IL2RB: variants seen among roughly 807,000 people sequenced by gnomAD.
The protein encoded by IL2RB is interleukin 2 receptor subunit beta.
IL2RB carries 17 observed loss-of-function variants against 44.2 expected under a neutral mutation model. That is an observed-to-expected ratio of 0.38 (90% CI 0.26 to 0.58). The LOEUF is 0.58. Among genes scored for constraint, IL2RB ranks in the 20% least tolerant of loss-of-function variants. The pLI is 0.63. For missense variants in IL2RB, 624 were observed against 685.5 expected, an observed-to-expected ratio of 0.91 and a Z score of 1.00; for synonymous variants, 286 against 297.9, an observed-to-expected ratio of 0.96 and a Z score of 0.41.
At position 37,161,970 on chromosome 22, in the gene IL2RB, C is replaced by T. The variant is rs1175428717; in HGVS notation, c.-34+12988G>A. On this transcript the variant is annotated intron_variant, in intron 1 of 5. Coordinates refer to the IL2RB transcript ENST00000429622. ...CAAGCTTCTCCAAGCTTCTCCAAGCCTGATTTGCGGGTCCTGCCAGAGATT... is the reference window on the plus strand; with the variant it reads ...CAAGCTTCTCCAAGCTTCTCCAAGCTTGATTTGCGGGTCCTGCCAGAGATT... 9.2e-5 allele frequency: 14 copies of T among 152,318 alleles called. No homozygotes were observed. The East Asian group carries it at 2.7e-3, about 29-fold the overall frequency. The allele number at this position is 152,318 out of a possible 1,614,324, so 9.4% of individuals were successfully genotyped here. A position where few individuals can be genotyped will look rare whatever the true frequency, so the allele number is the denominator to read the frequency against.
chr22:37,139,145 G>A lies in IL2RB; in HGVS notation c.360C>T (p.Ala120=). The change falls in exon 5 of 10, where the codon GCC becomes GCT. Residue 120 remains alanine, a synonymous_variant. Coordinates refer to ENST00000216223, the MANE Select transcript of IL2RB (RefSeq NM_000878.5). ...TCTCAAAGGGCTTGAAGTCCTGGAT[G>A]GCCATCACCCTCCATCGCACCCCCT... is the stretch of plus-strand genomic sequence containing the variant. ...CREGVRWRVM[A]IQDFKPFENL... The A allele has an allele frequency of 6.2e-7, 1 of 1,613,536 alleles. No homozygotes were observed. Among genetic ancestry groups the A allele is most frequent in the Non-Finnish European group, 8.5e-7 (1 of 1,179,494 alleles).
intron 1 of IL2RB, among the ~76,000 whole-genome samples, chr22:37,148,887 T>C (rs187554484): frequency 6.6e-6 from 1 of 151,994 alleles, no homozygotes. Context: ...CGGGAGCCCA[T>C]GGTTCATCCA....
upstream of IL2RB, among the ~76,000 whole-genome samples, chr22:37,152,735 C>T (rs947426046): frequency 1.3e-5 from 2 of 151,980 alleles, no homozygotes; most frequent in African/African-American, 4.8e-5. Context: ...CGTGGGAGCT[C>T]AGCTCAGGGC....
chr22:37,149,810 G>A lies in IL2RB; in HGVS notation c.-34+15C>T. ...CTGGTCCACAGGGGCCGGGAGGGAGGCAGGGGGACATCACCTGGCTGAGAC... is the reference window on the plus strand; with the variant it reads ...CTGGTCCACAGGGGCCGGGAGGGAGACAGGGGGACATCACCTGGCTGAGAC... On this transcript the variant is annotated intron_variant, in intron 1 of 9. Coordinates refer to ENST00000216223, the MANE Select transcript of IL2RB (RefSeq NM_000878.5). The A allele has an allele frequency of 1.0e-6, 1 of 981,304 alleles. No homozygotes were observed. The highest frequency in any genetic ancestry group is 1.2e-6 in the Non-Finnish European group (1 of 826,176). The allele number at this position is 981,304 out of a possible 1,614,324, so 60.8% of individuals were successfully genotyped here.
intron 5 of IL2RB, among the ~76,000 whole-genome samples, chr22:37,138,574 G>A (rs571361326): frequency 2.0e-5 from 3 of 152,202 alleles, no homozygotes; most frequent in African/African-American, 7.2e-5. Flanking sequence ...TGCTGGGTGC[G>A]TGGCAAGGAG....
chr22:37,158,963 C>T (rs1482438981), intron 1 of IL2RB, among the ~76,000 whole-genome samples: 1 of 152,262 alleles, frequency 6.6e-6, no homozygotes, highest in African/African-American at 2.4e-5. Context: ...AAAAGGCGGA[C>T]TCCTAACCCA....
At chr22:37,166,638 T>A (rs760025775) in intron 1 of IL2RB, 8 of 152,172 alleles carry the variant, frequency 5.3e-5, no homozygotes, top group Non-Finnish European at 1.0e-4. Flanking sequence ...AATCATCCCT[T>A]CAAGAATAAT....
chr22:37,162,143 T>G (rs947903475), intron 1 of IL2RB, among the ~76,000 whole-genome samples: 3 of 152,298 alleles, frequency 2.0e-5, no homozygotes, highest in African/African-American at 7.2e-5. Flanking sequence ...TTTGAAATAG[T>G]CTTTAATTAC....
Position 37,132,427 on chromosome 22 carries a change from T to G in IL2RB, c.860A>C (p.Lys287Thr), listed in dbSNP as rs1357465701. The G allele has an allele frequency of 6.2e-7, 1 of 1,613,928 alleles. No homozygotes were observed. The highest frequency in any genetic ancestry group is 2.2e-5 in the East Asian group (1 of 44,894). Residue 287 changes from lysine to threonine, a missense_variant, in exon 9 of 10, where the codon AAG becomes ACG. By Grantham distance (78) the Lys-to-Thr change is moderately conservative. Transcript: ENST00000216223. ...VLKCNTPDPS[K>T]FFSQLSSEHG... ...CTCTGAGCTCAGCTGGGAAAAGAAC[T>G]TCGAGGGGTCTGGGGTGTTACACTT...
Position 37,128,685 on chromosome 22 carries a change from G to C in IL2RB, c.1067C>G (p.Thr356Ser). The C allele has an allele frequency of 6.2e-7, 1 of 1,614,198 alleles. No homozygotes were observed. Among genetic ancestry groups the C allele is most frequent in the Non-Finnish European group, 8.5e-7 (1 of 1,180,000 alleles). The change falls in exon 10 of 10, where the codon ACC becomes AGC. Residue 356 changes from threonine to serine, a missense_variant. Thr to Ser is a moderately conservative substitution (Grantham distance 58). Coordinates refer to ENST00000216223, the MANE Select transcript of IL2RB (RefSeq NM_000878.5). The surrounding 1 kb of genome is among the most constrained non-coding windows in gnomAD (Gnocchi z 4.5). ...GTAACCCTGGTTGGTGAAGCAGCTG[G>C]TCAGCGAGTGGTTGCTGCTTAAGGA... ...PASLSSNHSLTSCFTNQGYFF... is the reference protein window; with the variant it reads ...PASLSSNHSLSSCFTNQGYFF...
At chr22:37,162,265 G>T (rs1383184858) in intron 1 of IL2RB, among the ~76,000 whole-genome samples, 1 of 152,184 alleles carries the variant, frequency 6.6e-6, no homozygotes. Flanking sequence ...GACCAGTGTT[G>T]TACCACAGGC....
upstream of IL2RB, among the ~76,000 whole-genome samples, chr22:37,151,942 G>A (rs572641483): frequency 3.9e-5 from 6 of 152,246 alleles, no homozygotes; most frequent in Middle Eastern, 3.4e-3. Flanking sequence ...CTGTTTTTAC[G>A]CTAGCGCCAC....
chr22:37,174,712 A>G (rs973948958), intron 1 of IL2RB, among the ~76,000 whole-genome samples: 1 of 152,150 alleles, frequency 6.6e-6, no homozygotes, highest in East Asian at 1.9e-4. Flanking sequence ...TTGTGAATCA[A>G]TCTTTTCTCT....
intron 8 of IL2RB, among the ~76,000 whole-genome samples, chr22:37,134,129 C>T (rs919373205): frequency 7.9e-5 from 12 of 151,194 alleles, no homozygotes; most frequent in African/African-American, 2.9e-4. Flanking sequence ...CAAAAATATT[C>T]AGGAAAAAAA....
At chr22:37,143,765 AG>A in intron 2 of IL2RB, 130 bp from the exon 3 acceptor site, 1 of 712,240 alleles carries the variant, frequency 1.4e-6, no homozygotes, top group Non-Finnish European at 2.5e-6. Flanking sequence ...CAAGCGGAGA[AG>A]GGATTCATGG....
At chr22:37,134,290 C>A (rs186702014) in intron 8 of IL2RB, among the ~76,000 whole-genome samples, 203 of 152,202 alleles carry the variant, frequency 1.3e-3, no homozygotes, top group African/African-American at 4.6e-3. Flanking sequence ...AGGTTACACG[C>A]AAATATTCTG....
At chr22:37,147,444 C>T (rs1324667766) in intron 1 of IL2RB, among the ~76,000 whole-genome samples, 2 of 152,254 alleles carry the variant, frequency 1.3e-5, no homozygotes, top group African/African-American at 4.8e-5. Context: ...ACTAATAATA[C>T]TCGTTCTGTG....
At chr22:37,164,280 G>T (rs571188686) in intron 1 of IL2RB, among the ~76,000 whole-genome samples, 52 of 152,144 alleles carry the variant, frequency 3.4e-4, no homozygotes, top group Non-Finnish European at 6.2e-4. Flanking sequence ...TCAGGGCCCA[G>T]AAGAGACCTG....
intron 1 of IL2RB, 91 bp from the exon 2 acceptor site, chr22:37,144,296 T>A: frequency 6.9e-7 from 1 of 1,440,814 alleles, no homozygotes; most frequent in Non-Finnish European, 9.2e-7. Context: ...CCCCTCAGTG[T>A]GCATGGTCTG....
Sources: allele counts gnomAD v4.1 joint callset (sites outside exome capture counted in the v4.1 genomes callset), GRCh38; gene constraint gnomAD v4.1.1; non-coding constraint Gnocchi (gnomAD v3.1); transcripts MANE v1.5; gene names NCBI Gene and HGNC (gene_info 2026-07-23, HGNC 2026-07-21).